Variants in CHCHD3 observed in about 807,000 individuals in gnomAD.
CHCHD3 encodes MICOS complex subunit MIC19.
A neutral mutation model predicts 38.2 loss-of-function variants in CHCHD3; 20 were observed. That is an observed-to-expected ratio of 0.52 (90% CI 0.37 to 0.76). CHCHD3 has a LOEUF of 0.76. CHCHD3 is among the 30% of genes least tolerant of loss of function. The pLI is 0.00. For synonymous variants in CHCHD3, 82 were observed against 100.0 expected (o/e 0.82, Z 1.07); for missense variants, 245 against 279.2 (o/e 0.88, Z 0.87).
At chr7:133,002,238 T>G (rs1053661272) in intron 3 of CHCHD3, among the ~76,000 whole-genome samples, 39 of 152,214 alleles carry the variant, frequency 2.6e-4, no homozygotes, top group African/African-American at 8.9e-4. Context: ...CCAGGTGCTT[T>G]ATATATGTTA....
intron 6 of CHCHD3, among the ~76,000 whole-genome samples, chr7:132,820,180 T>G (rs1365498626): frequency 6.6e-6 from 1 of 152,178 alleles, no homozygotes; most frequent in Admixed American, 6.5e-5. Flanking sequence ...CAAATCAGGA[T>G]CATCGTAACA....
chr7:132,825,226 T>C (rs1563246831), intron 6 of CHCHD3, among the ~76,000 whole-genome samples: 1 of 152,186 alleles, frequency 6.6e-6, no homozygotes, highest in African/African-American at 2.4e-5. Flanking sequence ...AAAGCAAAAT[T>C]GTTGCATTAA....
At chr7:132,832,352 A>G (rs1807672452) in intron 6 of CHCHD3, among the ~76,000 whole-genome samples, 1 of 152,212 alleles carries the variant, frequency 6.6e-6, no homozygotes, top group Admixed American at 6.5e-5. Flanking sequence ...ACAAAGGAGT[A>G]TTACTGGTAT....
chr7:133,030,605 A>G (rs1023589242), intron 2 of CHCHD3, among the ~76,000 whole-genome samples: 1 of 152,250 alleles, frequency 6.6e-6, no homozygotes, highest in Non-Finnish European at 1.5e-5. Flanking sequence ...TTTCAAGTTC[A>G]GTAAGTATGG....
intron 2 of CHCHD3, among the ~76,000 whole-genome samples, chr7:133,063,066 T>C (rs1391552911): frequency 6.6e-6 from 1 of 152,230 alleles, no homozygotes; most frequent in Non-Finnish European, 1.5e-5. Flanking sequence ...GACTCCCTTT[T>C]GACCATTCTA....
chr7:132,833,838 T>G (rs1193496477), intron 6 of CHCHD3, among the ~76,000 whole-genome samples: 2 of 152,208 alleles, frequency 1.3e-5, no homozygotes, highest in South Asian at 2.1e-4. Context: ...TGCTCTTAGC[T>G]TTCTTTCTCT....
chr7:132,940,143 G>A (rs1810728808), intron 4 of CHCHD3, among the ~76,000 whole-genome samples: 1 of 152,170 alleles, frequency 6.6e-6, no homozygotes, highest in Non-Finnish European at 1.5e-5. Flanking sequence ...GACTAGATTA[G>A]TCACAGCTAC....
At chr7:132,818,820 C>T (rs750470773) in intron 6 of CHCHD3, among the ~76,000 whole-genome samples, 3 of 152,158 alleles carry the variant, frequency 2.0e-5, no homozygotes, top group Non-Finnish European at 4.4e-5. Flanking sequence ...GTAATAAATA[C>T]TCCATCATGT....
intron 4 of CHCHD3, among the ~76,000 whole-genome samples, chr7:132,964,157 C>G (rs1358568503): frequency 6.6e-6 from 1 of 152,194 alleles, no homozygotes; most frequent in African/African-American, 2.4e-5. Context: ...CCTAAAAATA[C>G]TCTATTGCAG....
intron 4 of CHCHD3, among the ~76,000 whole-genome samples, chr7:132,970,416 G>C (rs562791135): frequency 1.3e-5 from 2 of 152,254 alleles, no homozygotes; most frequent in African/African-American, 4.8e-5. Flanking sequence ...CTCAGCACTG[G>C]CATATATTAG....
intron 6 of CHCHD3, among the ~76,000 whole-genome samples, chr7:132,824,484 A>G (rs193011886): frequency 6.6e-6 from 1 of 152,094 alleles, no homozygotes; most frequent in Non-Finnish European, 1.5e-5. Flanking sequence ...ACGCCAGGCT[A>G]ATTTTCTGTT....
intron 2 of CHCHD3, among the ~76,000 whole-genome samples, chr7:133,042,242 A>C (rs1813853865): frequency 1.3e-5 from 2 of 152,176 alleles, no homozygotes; most frequent in African/African-American, 4.8e-5. Context: ...TTTTATGAGC[A>C]ATATTTATAC....
At chr7:133,003,350 G>A (rs1812620303) in intron 3 of CHCHD3, among the ~76,000 whole-genome samples, 1 of 152,138 alleles carries the variant, frequency 6.6e-6, no homozygotes, top group African/African-American at 2.4e-5. Context: ...TGTAAAAATG[G>A]GCTTCCAATA....
chr7:133,045,876 A>G (rs935385227), intron 2 of CHCHD3, among the ~76,000 whole-genome samples: 21 of 152,002 alleles, frequency 1.4e-4, no homozygotes, highest in Non-Finnish European at 2.6e-4. Flanking sequence ...TCCTCCAGCC[A>G]TGTGATGTAC....
At chr7:133,028,063 T>C (rs764884484) in intron 2 of CHCHD3, among the ~76,000 whole-genome samples, 1 of 152,168 alleles carries the variant, frequency 6.6e-6, no homozygotes, top group Non-Finnish European at 1.5e-5. Flanking sequence ...AACCTGACAC[T>C]AAAATTTTTC....
At chr7:133,002,382 C>T (rs535012190) in intron 3 of CHCHD3, among the ~76,000 whole-genome samples, 4 of 152,096 alleles carry the variant, frequency 2.6e-5, no homozygotes, top group African/African-American at 9.7e-5. Context: ...AGAGACAAAG[C>T]TGGCATTCAA....
At chr7:132,930,369 A>G (rs1810486104) in intron 4 of CHCHD3, among the ~76,000 whole-genome samples, 1 of 151,798 alleles carries the variant, frequency 6.6e-6, no homozygotes, top group Non-Finnish European at 1.5e-5. Context: ...GGGTCTCACC[A>G]TGTTGGCCAG....
At chr7:132,926,982 G>A (rs892039444) in intron 4 of CHCHD3, among the ~76,000 whole-genome samples, 1 of 152,120 alleles carries the variant, frequency 6.6e-6, no homozygotes, top group Non-Finnish European at 1.5e-5. Context: ...AATCTCTACT[G>A]AGATGTCTTT....
intron 2 of CHCHD3, among the ~76,000 whole-genome samples, chr7:133,029,667 T>C (rs936095871): frequency 1.3e-5 from 2 of 152,034 alleles, no homozygotes; most frequent in African/African-American, 2.4e-5. Flanking sequence ...CACGAAGCCA[T>C]CCAGGTGAGA....
Sources: allele counts gnomAD v4.1 joint callset (sites outside exome capture counted in the v4.1 genomes callset), GRCh38; gene constraint gnomAD v4.1.1; transcripts MANE v1.5; gene names NCBI Gene and HGNC (gene_info 2026-07-23, HGNC 2026-07-21).